The following PCDH15 variants were observed in gnomAD, a reference collection of about 807,000 sequenced individuals.
The protein encoded by PCDH15 is protocadherin-15.
A neutral mutation model predicts 178.5 loss-of-function variants in PCDH15; 129 were observed. The ratio of observed to expected loss-of-function variants is 0.72; its 90% CI spans 0.63 to 0.84. PCDH15 has a LOEUF of 0.84. Among genes scored for constraint, PCDH15 ranks in the 40% least tolerant of loss-of-function variants. The pLI, the probability that PCDH15 is intolerant of heterozygous loss-of-function variation, is 0.00. For missense variants in PCDH15, 2,230 were observed against 2,099.9 expected (o/e 1.06, Z -1.21); for synonymous variants, 800 against 732.0 (o/e 1.09, Z -1.50).
chr10:54,639,162 G>T (rs1272479714), intron 2 of PCDH15, among the ~76,000 whole-genome samples: 1 of 152,018 alleles, frequency 6.6e-6, no homozygotes, highest in Non-Finnish European at 1.5e-5. Flanking sequence ...TTATAGAATT[G>T]AAATTCCAAA....
chr10:54,099,674 TA>T (rs899555473), intron 15 of PCDH15, among the ~76,000 whole-genome samples: 2 of 151,724 alleles, frequency 1.3e-5, no homozygotes, highest in African/African-American at 4.8e-5. Context: ...TATTCTGAAT[TA>T]AATAGACAAA....
chr10:54,858,089 TA>T (rs1458200122), intron 3 of PCDH15, among the ~76,000 whole-genome samples: 2 of 152,184 alleles, frequency 1.3e-5, no homozygotes, highest in African/African-American at 4.8e-5. Context: ...GCATCTCCCA[TA>T]AGCACAATTC....
At chr10:54,372,034 T>C (rs1947751305) in intron 4 of PCDH15, among the ~76,000 whole-genome samples, 1 of 151,880 alleles carries the variant, frequency 6.6e-6, no homozygotes, top group Non-Finnish European at 1.5e-5. Flanking sequence ...CCATTTTTAC[T>C]ACCAGCTTTC....
In PCDH15 at chr10:54,991,655, C is replaced by T. The variant is rs77896078; in HGVS notation, c.-79-94155G>A. On this transcript the variant is annotated intron_variant, in intron 2 of 5. Coordinates refer to the PCDH15 transcript ENST00000458638. ...CAGGCACTTTTCATTTAAAAGACAG[C>T]GGCTATGATAAAAATTTTGACCTTC... Among the ~76,000 whole-genome samples, 329 of 152,098 alleles carry T rather than the reference C, an allele frequency of 2.2e-3. 1 individual carries two copies. The highest frequency in any genetic ancestry group is 7.6e-3 in the African/African-American group (314 of 41,512).
intron 26 of PCDH15, among the ~76,000 whole-genome samples, chr10:53,883,789 C>T (rs1268689328): frequency 6.6e-6 from 1 of 152,176 alleles, no homozygotes; most frequent in East Asian, 1.9e-4. Flanking sequence ...GATCTTGGCT[C>T]ACCACCACCT....
chr10:54,880,070 G>A (rs1954233522), intron 3 of PCDH15, among the ~76,000 whole-genome samples: 1 of 152,070 alleles, frequency 6.6e-6, no homozygotes, highest in South Asian at 2.1e-4. Context: ...TTAAAATCCT[G>A]ATTCAATATT....
At chr10:54,520,580 A>T (rs2082742675) in intron 3 of PCDH15, among the ~76,000 whole-genome samples, 1 of 152,062 alleles carries the variant, frequency 6.6e-6, no homozygotes, top group Admixed American at 6.6e-5. Flanking sequence ...GCTGGAGAGG[A>T]TGTGGAGAAA....
chr10:54,373,267 AT>A (rs762639144), intron 4 of PCDH15, among the ~76,000 whole-genome samples: 1 of 128,526 alleles, frequency 7.8e-6, no homozygotes, highest in Non-Finnish European at 1.7e-5. Context: ...AGTTTGTCTA[AT>A]TCTCAGGAGT....
intron 3 of PCDH15, among the ~76,000 whole-genome samples, chr10:54,492,946 C>A (rs1476624358): frequency 1.3e-5 from 2 of 152,016 alleles, no homozygotes; most frequent in Non-Finnish European, 2.9e-5. Context: ...TGGTGGAAGG[C>A]AAGGAGGAGC....
chr10:54,826,757 C>T (rs760813609), intron 3 of PCDH15, among the ~76,000 whole-genome samples: 23 of 151,874 alleles, frequency 1.5e-4, no homozygotes, highest in Non-Finnish European at 1.9e-4. Flanking sequence ...GAGGATGGGA[C>T]GTTAAAAGTT....
rs1187715547 is a variant in PCDH15, at chr10:53,895,065, G to A, written c.3501+8178C>T. ...GTAAATTAAAGAGATGCTACTTGGG[G>A]AAAATACATTAAAAATTCAGAAATG... On this transcript the variant is annotated intron_variant, in intron 26 of 37. Coordinates refer to ENST00000644397, the MANE Select transcript of PCDH15 (RefSeq NM_001384140.1). Among the ~76,000 whole-genome samples, 6 of 152,138 alleles carry A rather than the reference G, an allele frequency of 3.9e-5. No individual in the cohort carries two copies. In the South Asian group the frequency reaches 1.2e-3, roughly 31 times the overall value.
chr10:54,281,282 C>T (rs1038311121), intron 8 of PCDH15, among the ~76,000 whole-genome samples: 1 of 151,750 alleles, frequency 6.6e-6, no homozygotes, highest in Non-Finnish European at 1.5e-5. Context: ...TTATATTTCC[C>T]TTGATGTGAA....
intron 2 of PCDH15, among the ~76,000 whole-genome samples, chr10:54,971,361 C>T (rs1838925800): frequency 6.6e-6 from 1 of 152,052 alleles, no homozygotes; most frequent in East Asian, 1.9e-4. Context: ...TGTAAGAACA[C>T]AGCATTTCTC....
intron 9 of PCDH15, among the ~76,000 whole-genome samples, chr10:54,226,044 G>T (rs1461562350): frequency 1.3e-5 from 2 of 152,132 alleles, no homozygotes; most frequent in African/African-American, 4.8e-5. Context: ...GAGAGAGAGG[G>T]ATTGATTCTG....
Position 54,413,764 on chromosome 10 carries a change from C to T in PCDH15, c.158-34822G>A, listed in dbSNP as rs567930219. Among the ~76,000 whole-genome samples the T allele has an allele frequency of 2.0e-5, 3 of 152,206 alleles. No homozygotes were observed. In the East Asian group the frequency reaches 5.8e-4, roughly 29 times the overall value. Reference sequence around the variant, plus strand: ...GTCTGTCTGTATACATTATTCAGCTCCCACTTATAAGTGAGAACATGCGGT... The same window carrying T: ...GTCTGTCTGTATACATTATTCAGCTTCCACTTATAAGTGAGAACATGCGGT... On this transcript the variant is annotated intron_variant, in intron 3 of 37. Transcript: ENST00000644397.
At chr10:54,172,407 ACT>A (rs1189528505) in intron 13 of PCDH15, among the ~76,000 whole-genome samples, 3 of 151,350 alleles carry the variant, frequency 2.0e-5, no homozygotes, top group East Asian at 1.9e-4. Flanking sequence ...CCCTTAGCTG[ACT>A]CTCTTTTCGG....
intron 21 of PCDH15, among the ~76,000 whole-genome samples, chr10:53,969,382 T>A (rs1425917996): frequency 6.6e-6 from 1 of 152,158 alleles, no homozygotes; most frequent in Non-Finnish European, 1.5e-5. Flanking sequence ...CTACATCTGA[T>A]TAGTGTACCT....
At chr10:54,894,624 CTT>C (rs1954517584) in intron 3 of PCDH15, among the ~76,000 whole-genome samples, 1 of 152,076 alleles carries the variant, frequency 6.6e-6, no homozygotes, top group Non-Finnish European at 1.5e-5. Flanking sequence ...TTGAAAGTGA[CTT>C]TTATTTCTGT....
At chr10:54,984,799 T>C (rs1839323565) in intron 2 of PCDH15, among the ~76,000 whole-genome samples, 1 of 152,198 alleles carries the variant, frequency 6.6e-6, no homozygotes, top group African/African-American at 2.4e-5. Context: ...TTCATATCAC[T>C]GCAGTCCAGC....
Sources: allele counts gnomAD v4.1 joint callset (sites outside exome capture counted in the v4.1 genomes callset), GRCh38; gene constraint gnomAD v4.1.1; transcripts MANE v1.5; gene names NCBI Gene and HGNC (gene_info 2026-07-23, HGNC 2026-07-21).